ARHGAP20: variants seen among roughly 807,000 people sequenced by gnomAD.
ARHGAP20 encodes the protein Rho GTPase activating protein 20.
In ARHGAP20, 34 loss-of-function variants were observed where a neutral mutation model predicts 73.7. The observed-to-expected ratio is 0.46, with a 90% CI of 0.35 to 0.61. The LOEUF (loss-of-function observed/expected upper bound fraction) is 0.61. Ranked by LOEUF, ARHGAP20 falls within the 20% of genes least tolerant of loss-of-function variation. The probability of loss-of-function intolerance (pLI) is 0.00; values close to 1 mark genes in which losing one functional copy is unlikely to be tolerated. For synonymous variants in ARHGAP20, 523 were observed against 518.2 expected, an observed-to-expected ratio of 1.01 and a Z score of -0.13; for missense variants, 1,314 against 1,420.9, an observed-to-expected ratio of 0.92 and a Z score of 1.21.
chr11:110,674,162 T>C (rs1187585666), intron 2 of ARHGAP20, among the ~76,000 whole-genome samples: 1 of 152,022 alleles, frequency 6.6e-6, no homozygotes, highest in Non-Finnish European at 1.5e-5. Context: ...TCTCGATCTC[T>C]TGACCTCATG....
At chr11:110,711,564 CA>C in intron 1 of ARHGAP20, 1 of 1,429,768 alleles carries the variant, frequency 7.0e-7, no homozygotes, top group Non-Finnish European at 9.2e-7. Context: ...CAGTACTCCC[CA>C]TATCTGCCCC....
intron 12 of ARHGAP20, among the ~76,000 whole-genome samples, chr11:110,585,254 A>T (rs1947630660): frequency 6.6e-6 from 1 of 151,556 alleles, no homozygotes; most frequent in Non-Finnish European, 1.5e-5. Context: ...TCACGTGTTT[A>T]TATTTGCATG....
At chr11:110,685,209 A>C (rs1478933772) in intron 2 of ARHGAP20, among the ~76,000 whole-genome samples, 1 of 152,216 alleles carries the variant, frequency 6.6e-6, no homozygotes, top group African/African-American at 2.4e-5. Flanking sequence ...GAAGTTTAAC[A>C]AATAACATAT....
chr11:110,709,874 A>T (rs2048041), intron 1 of ARHGAP20, among the ~76,000 whole-genome samples: 16,147 of 152,268 alleles, frequency 0.11, 1,276 homozygotes, highest in African/African-American at 0.22. Context: ...ATTCTGGTGC[A>T]AAGTGGTGAC....
intron 2 of ARHGAP20, among the ~76,000 whole-genome samples, chr11:110,661,206 G>C (rs1360987748): frequency 6.6e-6 from 1 of 152,026 alleles, no homozygotes; most frequent in East Asian, 1.9e-4. Context: ...AAGTCCAAGA[G>C]GAATTAGTCT....
At chr11:110,583,765 C>G (rs1173517462) in intron 12 of ARHGAP20, 28 bp from the exon 13 acceptor site, 2 of 1,487,798 alleles carry the variant, frequency 1.3e-6, no homozygotes. Context: ...ACTCTTTAAG[C>G]AAGACATTTC....
chr11:110,677,839 T>C (rs982797262), intron 2 of ARHGAP20, among the ~76,000 whole-genome samples: 1 of 152,104 alleles, frequency 6.6e-6, no homozygotes, highest in Non-Finnish European at 1.5e-5. Flanking sequence ...CTCAAAAGAT[T>C]AGTGTTACCG....
At position 110,630,631 on chromosome 11, in the gene ARHGAP20, A is replaced by G; in HGVS notation, c.350T>C (p.Ile117Thr). The G allele has an allele frequency of 6.2e-7, 1 of 1,613,918 alleles. No individual in the cohort carries two copies. Among genetic ancestry groups the G allele is most frequent in the Non-Finnish European group, 8.5e-7 (1 of 1,179,904 alleles). The change falls in exon 3 of 15, where the codon ATC (isoleucine) becomes ACC (threonine). Residue 117 changes from isoleucine (I) to threonine (T), a missense_variant. Physicochemically the swap from Ile to Thr is moderately conservative, Grantham distance 89. Coordinates refer to ENST00000683387, the MANE Select transcript of ARHGAP20 (RefSeq NM_001384657.1). ...LFNDLFVVAK[I>T]KYNNNFKIKN... The stretch of plus-strand genomic sequence containing the variant: ...CAGGAGTATATAGTATACATACTTG[A>G]TTTTGGCCACAACAAACAGATCATT...
intron 9 of ARHGAP20, 127 bp from the exon 10 acceptor site, chr11:110,592,282 G>A (rs1033409639): frequency 6.1e-5 from 47 of 776,320 alleles, no homozygotes; most frequent in Non-Finnish European, 9.0e-5. Context: ...GATGGCTTTT[G>A]TCATTGACAA....
intron 5 of ARHGAP20, 104 bp downstream of exon 5, chr11:110,615,449 T>A: frequency 9.4e-7 from 1 of 1,062,328 alleles, no homozygotes; most frequent in Non-Finnish European, 1.4e-6. Context: ...ATGAACAATT[T>A]CTACTAAGGA....
At chr11:110,668,670 GAAAAGAA>G (rs1949770216) in intron 2 of ARHGAP20, among the ~76,000 whole-genome samples, 1 of 144,116 alleles carries the variant, frequency 6.9e-6, no homozygotes, top group African/African-American at 2.9e-5. Context: ...AAAGAAAAAA[GAAAAGAA>G]AGAAAATATA....
chr11:110,627,587 T>C (rs1445799326), intron 3 of ARHGAP20, among the ~76,000 whole-genome samples: 1 of 152,188 alleles, frequency 6.6e-6, no homozygotes, highest in Non-Finnish European at 1.5e-5. Flanking sequence ...GTAGAGTTCA[T>C]TATATATTCC....
At chr11:110,649,900 A>G (rs764313013) in intron 2 of ARHGAP20, among the ~76,000 whole-genome samples, 5 of 152,118 alleles carry the variant, frequency 3.3e-5, no homozygotes, top group Non-Finnish European at 7.4e-5. Flanking sequence ...AATAGGTCAT[A>G]ATGAAAAAAA....
chr11:110,658,713 T>C (rs996888967), intron 2 of ARHGAP20, among the ~76,000 whole-genome samples: 2 of 152,174 alleles, frequency 1.3e-5, no homozygotes, highest in Non-Finnish European at 2.9e-5. Flanking sequence ...AAGGACTTCA[T>C]TTCTGCACCG....
At position 110,578,354 on chromosome 11, in the gene ARHGAP20, CAAA is replaced by C; in HGVS notation, c.*1013_*1015del. 1.0e-6 allele frequency: 1 copy of C among 985,392 alleles called. No homozygotes were observed. The highest frequency in any genetic ancestry group is 4.7e-5 in the South Asian group (1 of 21,272). The allele number at this position is 985,392 out of a possible 1,614,324, so 61.0% of individuals were successfully genotyped here. Reference sequence around the variant, plus strand: ...TATTGCTCTCTCAATTGCCAAACTACAAAAATCAGAAAAGGGATGATTTATAAG... The same window carrying C: ...TATTGCTCTCTCAATTGCCAAACTACAATCAGAAAAGGGATGATTTATAAG... On this transcript the variant is annotated 3_prime_UTR_variant, in exon 15 of 15. Transcript: ENST00000683387.
chr11:110,593,653 G>A (rs1947882315), intron 9 of ARHGAP20, among the ~76,000 whole-genome samples: 1 of 152,202 alleles, frequency 6.6e-6, no homozygotes, highest in Non-Finnish European at 1.5e-5. Flanking sequence ...AACTAGAGAA[G>A]GGAGACAGAG....
chr11:110,578,544 G>C lies in ARHGAP20; in HGVS notation c.*826C>G. ...ATATTGAGAGTGAACGCTGTCAGGA[G>C]GTCACCTTCTAAATAGAAGAAGTTG... On this transcript the variant is annotated 3_prime_UTR_variant, in exon 15 of 15. Coordinates refer to ENST00000683387, the MANE Select transcript of ARHGAP20 (RefSeq NM_001384657.1). 4.1e-6 allele frequency: 4 copies of C among 985,376 alleles called. No individual in the cohort carries two copies. Among genetic ancestry groups the C allele is most frequent in the Non-Finnish European group, 4.8e-6 (4 of 829,918 alleles). 61.0% of individuals were successfully genotyped at this position (985,376 alleles called of 1,614,324 possible).
chr11:110,671,783 A>G (rs770584407), intron 2 of ARHGAP20, among the ~76,000 whole-genome samples: 3 of 152,158 alleles, frequency 2.0e-5, no homozygotes, highest in Non-Finnish European at 4.4e-5. Context: ...AATATCAGTA[A>G]GGAGAGACAT....
chr11:110,694,377 C>G (rs966786188), intron 1 of ARHGAP20, among the ~76,000 whole-genome samples: 1 of 151,686 alleles, frequency 6.6e-6, no homozygotes, highest in Non-Finnish European at 1.5e-5. Context: ...GCCATTACTT[C>G]CAATGGATCT....
Sources: allele counts gnomAD v4.1 joint callset (sites outside exome capture counted in the v4.1 genomes callset), GRCh38; gene constraint gnomAD v4.1.1; transcripts MANE v1.5; gene names NCBI Gene and HGNC (gene_info 2026-07-23, HGNC 2026-07-21).